Variants in BCAN observed in about 807,000 individuals in gnomAD.
BCAN encodes the protein brevican core protein.
In BCAN, 51 loss-of-function variants were observed where a neutral mutation model predicts 92.4. The ratio of observed to expected loss-of-function variants is 0.55; its 90% CI spans 0.44 to 0.70. The LOEUF (loss-of-function observed/expected upper bound fraction) is 0.70. Among genes scored for constraint, BCAN ranks in the 30% least tolerant of loss-of-function variants. The pLI is 0.00. For synonymous variants in BCAN, 501 were observed against 505.2 expected, an observed-to-expected ratio of 0.99 and a Z score of 0.11; for missense variants, 1,140 against 1,212.1, an observed-to-expected ratio of 0.94 and a Z score of 0.88.
chr1:156,647,230 C>T lies in BCAN; in HGVS notation c.466+55C>T, dbSNP rs960922722. Reference sequence around the variant, plus strand: ...GGAGGGAGGGAGGGAAGGGAGGACTCTTGCCTTCGGGGATCCCACAGTGTG... The same window carrying T: ...GGAGGGAGGGAGGGAAGGGAGGACTTTTGCCTTCGGGGATCCCACAGTGTG... On this transcript the variant is annotated intron_variant, in intron 3 of 13. Coordinates refer to ENST00000329117, the MANE Select transcript of BCAN (RefSeq NM_021948.5). The surrounding 1 kb of genome is among the most constrained non-coding windows in gnomAD (Gnocchi z 4.8). 6.8e-7 allele frequency: 1 copy of T among 1,466,514 alleles called. No homozygotes were observed. Among genetic ancestry groups the T allele is most frequent in the African/African-American group, 1.4e-5 (1 of 70,510 alleles). 90.8% of individuals were successfully genotyped at this position (1,466,514 alleles called of 1,614,324 possible).
intron 9 of BCAN, 127 bp downstream of exon 9, chr1:156,656,516 G>T (rs1679334006): frequency 8.5e-6 from 6 of 708,198 alleles, no homozygotes; most frequent in Non-Finnish European, 1.1e-5. Flanking sequence ...TAGGCAAGTT[G>T]CATAACTTCT....
chr1:156,656,350 C>T lies in BCAN; in HGVS notation c.2011C>T (p.Leu671=). The T allele has an allele frequency of 2.8e-5, 39 of 1,413,866 alleles. No individual in the cohort carries two copies. Among genetic ancestry groups the T allele is most frequent in the Non-Finnish European group, 3.6e-5 (39 of 1,087,490 alleles). The allele number at this position is 1,413,866 out of a possible 1,614,324, so 87.6% of individuals were successfully genotyped here. Reference sequence around the variant, plus strand: ...GGAGGAGGAGGAAGGGGTCCGCTGCCTATGTCTGCCTGGCTATGGGGGGGA... The same window carrying T: ...GGAGGAGGAGGAAGGGGTCCGCTGCTTATGTCTGCCTGGCTATGGGGGGGA... ...CLEEEEGVRC[L]CLPGYGGDLC... Residue 671 remains leucine, a synonymous_variant, in exon 9 of 14, where the codon CTA becomes TTA. Transcript: ENST00000329117.
chr1:156,643,177 C>G (rs1187422167), intron 1 of BCAN: 2 of 152,178 alleles, frequency 1.3e-5, no homozygotes, highest in Non-Finnish European at 2.9e-5. Context: ...ACAGTGTTAC[C>G]CTTAGACCCA....
chr1:156,652,388 T>G lies in BCAN; in HGVS notation c.1438T>G (p.Trp480Gly), dbSNP rs1462793525. Residue 480 changes from tryptophan (W) to glycine (G), a missense_variant, in exon 8 of 14, where the codon TGG (tryptophan) becomes GGG (glycine). Physicochemically the swap from Trp to Gly is radical, Grantham distance 184. Transcript: ENST00000329117. The stretch of plus-strand genomic sequence containing the variant: ...GGAGGAGGTGGAGGATGAGGCTCTG[T>G]GGGCATGGCCCAGCGAGCTCAGCAG... ...EEEEVEDEAL[W>G]AWPSELSSPG... 2 of 1,610,680 alleles carry G rather than the reference T, an allele frequency of 1.2e-6. No homozygotes were observed. Among genetic ancestry groups the G allele is most frequent in the East Asian group, 4.5e-5 (2 of 44,792 alleles).
chr1:156,648,870 A>G lies in BCAN; in HGVS notation c.1063+9A>G. ...CGTCTACTGCTTCCGAGGTGAGCCC[A>G]CCTCCCTGCAGAAGCTGAGACCAAT... On this transcript the variant is annotated intron_variant, in intron 6 of 13. Coordinates refer to ENST00000329117, the MANE Select transcript of BCAN (RefSeq NM_021948.5). The G allele has an allele frequency of 6.5e-7, 1 of 1,544,224 alleles. No homozygotes were observed. The highest frequency in any genetic ancestry group is 8.8e-7 in the Non-Finnish European group (1 of 1,138,784).
intron 8 of BCAN, among the ~76,000 whole-genome samples, chr1:156,656,010 C>G (rs1023412958): frequency 1.7e-4 from 26 of 152,214 alleles, no homozygotes; most frequent in Non-Finnish European, 3.7e-4. Flanking sequence ...CCTCTTCTCC[C>G]CAGCCCCTTT....
At position 156,642,806 on chromosome 1, in the gene BCAN, G is replaced by A. The variant is rs867479640; in HGVS notation, c.-9+531G>A. 2.6e-5 allele frequency: 4 copies of A among 152,358 alleles called. No homozygotes were observed. The highest frequency in any genetic ancestry group is 3.4e-3 in the Middle Eastern group (1 of 294). The allele number at this position is 152,358 out of a possible 1,614,324, so 9.4% of individuals were successfully genotyped here. A position where few individuals can be genotyped will look rare whatever the true frequency, so the allele number is the denominator to read the frequency against. ...CTCGGCTCCTTGCTCTGTGACCTTG[G>A]GGTAGTTAGTTGACTTCTCTGAACC... On this transcript the variant is annotated intron_variant, in intron 1 of 13. Transcript: ENST00000329117. The surrounding 1 kb of genome is among the most constrained non-coding windows in gnomAD (Gnocchi z 4.2).
Position 156,658,950 on chromosome 1 carries a change from C to A in BCAN, c.2629-77C>A. The A allele has an allele frequency of 7.1e-7, 1 of 1,414,918 alleles. No individual in the cohort carries two copies. The highest frequency in any genetic ancestry group is 9.7e-7 in the Non-Finnish European group (1 of 1,031,254). 87.6% of individuals were successfully genotyped at this position (1,414,918 alleles called of 1,614,324 possible). ...CCATTCTGGGCTCTTACGGGCTGAG[C>A]AAGAACATCAGAGGGCAGGCTCTGA... On this transcript the variant is annotated intron_variant, in intron 13 of 13. Transcript: ENST00000329117. This position sits in a 1 kb window ranked among gnomAD's most constrained non-coding sequence, Gnocchi z 4.4.
At position 156,648,271 on chromosome 1, in the gene BCAN, G is replaced by A. The variant is rs143925769; in HGVS notation, c.769+161G>A. On this transcript the variant is annotated intron_variant, in intron 5 of 13. Coordinates refer to ENST00000329117, the MANE Select transcript of BCAN (RefSeq NM_021948.5). ...GTCCCTCTCTCCAAACACTGTCACA[G>A]AGGCAAGCTCATGACCAAAGTCTCA... Among the ~76,000 whole-genome samples, 26 of 152,242 alleles carry A rather than the reference G, an allele frequency of 1.7e-4. 1 individual carries two copies. In the East Asian group the frequency reaches 5.0e-3, roughly 29 times the overall value.
At chr1:156,646,638 T>A (rs1678975037) in intron 2 of BCAN, 163 bp from the exon 3 acceptor site, 8 of 1,211,686 alleles carry the variant, frequency 6.6e-6, no homozygotes, top group Non-Finnish European at 8.8e-6. Context: ...GACCTAGAGG[T>A]AGGGCTGCAG....
chr1:156,658,636 G>A lies in BCAN; in HGVS notation c.2531G>A (p.Cys844Tyr). The part of the protein sequence containing the change: ...YEVDTVLRYR[C>Y]REGLAQRNLP... ...GTGGACACTGTGCTTCGCTACCGGTGCCGGGAAGGACTGGCCCAGCGCAAT... is the reference window on the plus strand; with the variant it reads ...GTGGACACTGTGCTTCGCTACCGGTACCGGGAAGGACTGGCCCAGCGCAAT... The change falls in exon 13 of 14, where the codon TGC becomes TAC. Residue 844 changes from cysteine (C) to tyrosine (Y), a missense_variant. Cys to Tyr is a radical substitution (Grantham distance 194, BLOSUM62 -2). Transcript: ENST00000329117. The surrounding 1 kb of genome is among the most constrained non-coding windows in gnomAD (Gnocchi z 4.4). 1 of 1,614,186 alleles carries A rather than the reference G, an allele frequency of 6.2e-7. No homozygotes were observed. Among genetic ancestry groups the A allele is most frequent in the African/African-American group, 1.3e-5 (1 of 75,078 alleles).
Position 156,647,599 on chromosome 1 carries a change from C to T in BCAN, c.558C>T (p.Ile186=), listed in dbSNP as rs370365816. 37 of 1,613,166 alleles carry T rather than the reference C, an allele frequency of 2.3e-5. No individual in the cohort carries two copies. The highest frequency in any genetic ancestry group is 1.8e-4 in the East Asian group (8 of 44,872). ...QEACARIGAH[I]ATPEQLYAAY... ...CCTGTGCCCGCATTGGAGCCCACAT[C>T]GCCACCCCGGAGCAGCTCTATGCCG... is the stretch of plus-strand genomic sequence containing the variant. Residue 186 remains isoleucine (I), a synonymous_variant, in exon 4 of 14, where the codon ATC becomes ATT. Coordinates refer to ENST00000329117, the MANE Select transcript of BCAN (RefSeq NM_021948.5). This position sits in a 1 kb window ranked among gnomAD's most constrained non-coding sequence, Gnocchi z 4.8.
Position 156,647,115 on chromosome 1 carries a change from C to A in BCAN, c.406C>A (p.Arg136Ser). The A allele has an allele frequency of 6.4e-7, 1 of 1,568,674 alleles. No individual in the cohort carries two copies. Among genetic ancestry groups the A allele is most frequent in the Non-Finnish European group, 8.7e-7 (1 of 1,149,430 alleles). Residue 136 changes from arginine (R) to serine (S), a missense_variant, in exon 3 of 14, where the codon CGC becomes AGC. By Grantham distance (110) the Arg-to-Ser change is moderately radical. Around this residue, in one of 3 missense-constraint regions of BCAN, gnomAD observed 286 missense variants for 284.1 expected, o/e 1.01. Transcript: ENST00000329117. The surrounding 1 kb of genome is among the most constrained non-coding windows in gnomAD (Gnocchi z 4.8). ...ELRPNDSGIY[R>S]CEVQHGIDDS... Reference sequence around the variant, plus strand: ...GCGCCCCAACGACTCAGGTATCTATCGCTGTGAGGTCCAGCACGGCATCGA... The same window carrying A: ...GCGCCCCAACGACTCAGGTATCTATAGCTGTGAGGTCCAGCACGGCATCGA...
At chr1:156,648,475 G>T (rs1194069920) in intron 5 of BCAN, 93 bp from the exon 6 acceptor site, 3 of 1,333,892 alleles carry the variant, frequency 2.2e-6, no homozygotes, top group East Asian at 4.7e-5. Context: ...ACAGATGAGG[G>T]AACTGGAGAA....
In BCAN at chr1:156,648,836, C is replaced by T; in HGVS notation, c.1038C>T (p.Ser346=). 1.3e-6 allele frequency: 2 copies of T among 1,576,250 alleles called. No individual in the cohort carries two copies. Among genetic ancestry groups the T allele is most frequent in the Non-Finnish European group, 1.7e-6 (2 of 1,152,734 alleles). ...PNQTGFPNKH[S]RFNVYCFRDS... ...AGACTGGCTTCCCCAATAAGCACAG[C>T]CGCTTCAACGTCTACTGCTTCCGAG... is the stretch of plus-strand genomic sequence containing the variant. Residue 346 remains serine (S), a synonymous_variant, in exon 6 of 14, where the codon AGC becomes AGT. Transcript: ENST00000329117.
Position 156,647,517 on chromosome 1 carries a change from T to C in BCAN, c.476T>C (p.Phe159Ser), listed in dbSNP as rs1232455493. 1.3e-6 allele frequency: 2 copies of C among 1,564,308 alleles called. No homozygotes were observed. The highest frequency in any genetic ancestry group is 1.7e-6 in the Non-Finnish European group (2 of 1,157,604). ...CCTCTCTGCCCCACAGGGGTCGTCT[T>C]TCTCTACCGAGAGGGCTCTGCCCGC... ...AVEVKVKGVVFLYREGSARYA... is the reference protein window; with the variant it reads ...AVEVKVKGVVSLYREGSARYA... The change falls in exon 4 of 14, where the codon TTT (phenylalanine) becomes TCT (serine). Residue 159 changes from phenylalanine to serine, a missense_variant. By Grantham distance (155) the Phe-to-Ser change is radical. Around this residue, in one of 3 missense-constraint regions of BCAN, gnomAD observed 286 missense variants for 284.1 expected, o/e 1.01. Transcript: ENST00000329117. The surrounding 1 kb of genome is among the most constrained non-coding windows in gnomAD (Gnocchi z 4.8).
In BCAN at chr1:156,648,570, G is replaced by A. The variant is rs561459726; in HGVS notation, c.772G>A (p.Glu258Lys). ...CCAGCCTTCTCTTCTCCACCCAGGAGAACTGTTCCTGGGTGACCCTCCAGA... is the reference window on the plus strand; with the variant it reads ...CCAGCCTTCTCTTCTCCACCCAGGAAAACTGTTCCTGGGTGACCCTCCAGA... ...VYCYAEDLNG[E>K]LFLGDPPEKL... Residue 258 changes from glutamate (E) to lysine (K), a missense_variant and splice_region_variant, in exon 6 of 14, where the codon GAA (glutamate) becomes AAA (lysine). By Grantham distance (56) the Glu-to-Lys change is moderately conservative (BLOSUM62 1). Coordinates refer to ENST00000329117, the MANE Select transcript of BCAN (RefSeq NM_021948.5). 2 of 1,583,818 alleles carry A rather than the reference G, an allele frequency of 1.3e-6. No individual in the cohort carries two copies. Among genetic ancestry groups the A allele is most frequent in the Non-Finnish European group, 1.7e-6 (2 of 1,156,064 alleles).
At position 156,652,855 on chromosome 1, in the gene BCAN, C is replaced by T. The variant is rs761210707; in HGVS notation, c.1905C>T (p.Ser635=). 12 of 1,613,728 alleles carry T rather than the reference C, an allele frequency of 7.4e-6. No homozygotes were observed. Among genetic ancestry groups the T allele is most frequent in the African/African-American group, 2.7e-5 (2 of 74,926 alleles). The change falls in exon 8 of 14, where the codon AGC becomes AGT. Residue 635 remains serine (S), a synonymous_variant. Coordinates refer to ENST00000329117, the MANE Select transcript of BCAN (RefSeq NM_021948.5). ...CCCAGCCAGTGCTGCCCACTGACAG[C>T]GCCAGCCGAGGTGGAGTGGCCGTGG... is the stretch of plus-strand genomic sequence containing the variant. ...VQAQPVLPTD[S]ASRGGVAVVP...
At chr1:156,656,075 G>C (rs1165876466) in intron 8 of BCAN, among the ~76,000 whole-genome samples, 2 of 152,160 alleles carry the variant, frequency 1.3e-5, no homozygotes, top group East Asian at 3.8e-4. Flanking sequence ...CAATGCTGAA[G>C]TCGGGAGCGG....
Sources: allele counts gnomAD v4.1 joint callset (sites outside exome capture counted in the v4.1 genomes callset), GRCh38; gene constraint gnomAD v4.1.1; regional missense constraint gnomAD v4.1.1; non-coding constraint Gnocchi (gnomAD v3.1); transcripts MANE v1.5; gene names NCBI Gene and HGNC (gene_info 2026-07-23, HGNC 2026-07-21).